Variants in F13A1 observed in about 807,000 individuals in gnomAD.
F13A1 encodes the protein coagulation factor XIII A chain, also known as FSF, A subunit.
Under a neutral mutation model 80.1 loss-of-function variants are expected in F13A1, and 47 were observed. The observed-to-expected ratio is 0.59, with a 90% confidence interval of 0.46 to 0.75. The LOEUF (loss-of-function observed/expected upper bound fraction) is 0.75, where lower values mean the gene tolerates loss of function less well. F13A1 is among the 30% of genes least tolerant of loss of function. The probability of loss-of-function intolerance (pLI) is 0.00; values close to 1 mark genes in which losing one functional copy is unlikely to be tolerated. For missense variants in F13A1, 817 were observed against 930.4 expected (o/e 0.88, Z 1.59); for synonymous variants, 349 against 344.9 (o/e 1.01, Z -0.13).
At chr6:6,183,387 T>C (rs867554766) in intron 10 of F13A1, among the ~76,000 whole-genome samples, 2 of 152,250 alleles carry the variant, frequency 1.3e-5, no homozygotes, top group Admixed American at 1.3e-4. Context: ...TATTGCCAGA[T>C]ATTGTTTAAG....
At chr6:6,310,939 C>T (rs1758581230) in intron 2 of F13A1, among the ~76,000 whole-genome samples, 1 of 152,098 alleles carries the variant, frequency 6.6e-6, no homozygotes, top group Non-Finnish European at 1.5e-5. Context: ...GGGAAGCATG[C>T]CATTTTATAC....
At chr6:6,165,866 G>A (rs930897598) in intron 13 of F13A1, among the ~76,000 whole-genome samples, 1 of 152,252 alleles carries the variant, frequency 6.6e-6, no homozygotes, top group Non-Finnish European at 1.5e-5. Flanking sequence ...CAGGCGTCCT[G>A]TGCACACAAC....
At chr6:6,148,188 G>C (rs1040171896) in intron 14 of F13A1, among the ~76,000 whole-genome samples, 1 of 152,230 alleles carries the variant, frequency 6.6e-6, no homozygotes, top group Non-Finnish European at 1.5e-5. Flanking sequence ...CGCTCTGGAA[G>C]CATCAAGTGC....
At chr6:6,274,926 T>C (rs1442338761) in intron 3 of F13A1, among the ~76,000 whole-genome samples, 1 of 152,154 alleles carries the variant, frequency 6.6e-6, no homozygotes, top group Non-Finnish European at 1.5e-5. Context: ...AGGATACCTG[T>C]GGCAGAAGAA....
At chr6:6,186,395 T>C (rs1761080949) in intron 10 of F13A1, among the ~76,000 whole-genome samples, 1 of 152,242 alleles carries the variant, frequency 6.6e-6, no homozygotes, top group African/African-American at 2.4e-5. Context: ...GAATTGATTT[T>C]TGTATAAGGT....
intron 6 of F13A1, among the ~76,000 whole-genome samples, chr6:6,239,185 T>C (rs564185078): frequency 6.6e-6 from 1 of 152,226 alleles, no homozygotes; most frequent in African/African-American, 2.4e-5. Flanking sequence ...AGGAAAGCAT[T>C]GAAAACACAT....
intron 3 of F13A1, among the ~76,000 whole-genome samples, chr6:6,273,543 T>A (rs1757948983): frequency 6.6e-6 from 1 of 152,170 alleles, no homozygotes; most frequent in African/African-American, 2.4e-5. Flanking sequence ...CCCTTAAGAG[T>A]TCATTCTTAT....
intron 8 of F13A1, chr6:6,206,672 T>C (rs1761495141): frequency 2.9e-5 from 12 of 414,020 alleles, no homozygotes. Context: ...CCCTTCTTGT[T>C]TTTAAGCAAA....
At chr6:6,202,854 A>T (rs1026943652) in intron 8 of F13A1, among the ~76,000 whole-genome samples, 3 of 152,250 alleles carry the variant, frequency 2.0e-5, no homozygotes, top group African/African-American at 7.2e-5. Flanking sequence ...CAGTATTGGT[A>T]CAAAGGACTC....
At chr6:6,204,655 G>A (rs762787571) in intron 8 of F13A1, among the ~76,000 whole-genome samples, 1 of 152,204 alleles carries the variant, frequency 6.6e-6, no homozygotes, top group Non-Finnish European at 1.5e-5. Context: ...GGACTCTGAG[G>A]CTTGTCTAAC....
intron 3 of F13A1, among the ~76,000 whole-genome samples, chr6:6,268,935 C>T (rs73361887): frequency 3.3e-5 from 5 of 151,946 alleles, no homozygotes; most frequent in Non-Finnish European, 4.4e-5. Context: ...GGTGTTCCCC[C>T]CCGCCTCAGC....
intron 2 of F13A1, among the ~76,000 whole-genome samples, chr6:6,309,464 C>T (rs976725874): frequency 6.6e-6 from 1 of 151,940 alleles, no homozygotes; most frequent in Non-Finnish European, 1.5e-5. Context: ...ATGCTTCAGG[C>T]GGAGAAAGAA....
chr6:6,261,144 T>C (rs951497114), intron 4 of F13A1, among the ~76,000 whole-genome samples: 5 of 151,876 alleles, frequency 3.3e-5, no homozygotes, highest in Non-Finnish European at 7.4e-5. Context: ...AATTTTTGTA[T>C]GTTTAGTAGA....
chr6:6,167,586 C>T lies in F13A1; in HGVS notation c.1780G>A (p.Glu594Lys), dbSNP rs529985469. The T allele has an allele frequency of 2.5e-5, 40 of 1,613,846 alleles. No homozygotes were observed. The Admixed American group carries it at 2.7e-4, about 11-fold the overall frequency. ...TGTTCCAGCAGCTGACCCATGTACT[C>T]GCCGGCTTGGATCAGCACCGCCTCT... is the stretch of plus-strand genomic sequence containing the variant. ...KKEAVLIQAG[E>K]YMGQLLEQAS... The change falls in exon 13 of 15, where the codon GAG becomes AAG. Residue 594 changes from glutamate to lysine, a missense_variant. Coordinates refer to ENST00000264870, the MANE Select transcript of F13A1 (RefSeq NM_000129.4).
chr6:6,195,211 C>T (rs1471904191), intron 10 of F13A1, among the ~76,000 whole-genome samples: 2 of 152,244 alleles, frequency 1.3e-5, no homozygotes, highest in Non-Finnish European at 2.9e-5. Context: ...AGAGCCTTTG[C>T]CCAGGCATTC....
chr6:6,195,857 A>C lies in F13A1; in HGVS notation c.1245T>G (p.Val415=). The change falls in exon 10 of 15, where the codon GTT becomes GTG. Residue 415 remains valine (V), a synonymous_variant. Coordinates refer to ENST00000264870, the MANE Select transcript of F13A1 (RefSeq NM_000129.4). ...AGACATGGCCGTGCTTGATGGCTTG[A>C]ACCGAGGCGGGGCCACACCGATACA... ...DGMYRCGPAS[V]QAIKHGHVCF... is the part of the protein sequence containing the mutation. 3 of 1,614,180 alleles carry C rather than the reference A, an allele frequency of 1.9e-6. No homozygotes were observed. The highest frequency in any genetic ancestry group is 2.2e-5 in the South Asian group (2 of 91,080).
chr6:6,292,867 A>G (rs1230322127), intron 3 of F13A1, among the ~76,000 whole-genome samples: 5 of 152,282 alleles, frequency 3.3e-5, no homozygotes, highest in East Asian at 1.9e-4. Flanking sequence ...ACCCACTTTC[A>G]GCTCTGCCCC....
intron 1 of F13A1, among the ~76,000 whole-genome samples, chr6:6,319,932 C>T (rs919241168): frequency 5.3e-5 from 8 of 152,148 alleles, no homozygotes; most frequent in Non-Finnish European, 1.0e-4. Context: ...GAGAAGGCTG[C>T]GAGAGCCATC....
chr6:6,297,081 A>C lies in F13A1; in HGVS notation c.319+8270T>G, dbSNP rs1211577424. Among the ~76,000 whole-genome samples, 56 of 147,480 alleles carry C rather than the reference A, an allele frequency of 3.8e-4. 1 individual carries two copies. The highest frequency in any genetic ancestry group is 1.3e-3 in the African/African-American group (49 of 38,246). On this transcript the variant is annotated intron_variant, in intron 3 of 14. Transcript: ENST00000264870. ...TTTGCGTATATTGAACCAGCCTTGCATCCCAGGGATGAAGCCCACTTGATC... is the reference window on the plus strand; with the variant it reads ...TTTGCGTATATTGAACCAGCCTTGCCTCCCAGGGATGAAGCCCACTTGATC...
Sources: allele counts gnomAD v4.1 joint callset (sites outside exome capture counted in the v4.1 genomes callset), GRCh38; gene constraint gnomAD v4.1.1; transcripts MANE v1.5; gene names NCBI Gene and HGNC (gene_info 2026-07-23, HGNC 2026-07-21).